Variants in SNX33 observed in about 807,000 individuals in gnomAD.
The protein encoded by SNX33 is sorting nexin-33.
In SNX33, 19 loss-of-function variants were observed where a neutral mutation model predicts 38.8. That is an observed-to-expected ratio of 0.49 (90% CI 0.34 to 0.72). The LOEUF (loss-of-function observed/expected upper bound fraction) is 0.72. Ranked by LOEUF, SNX33 falls within the 30% of genes least tolerant of loss-of-function variation. The pLI is 0.01. For missense variants in SNX33, 641 were observed against 776.4 expected (o/e 0.83, Z 2.07); for synonymous variants, 246 against 289.7 (o/e 0.85, Z 1.53).
At chr15:75,653,273 C>T (rs1006990659) in intron 1 of SNX33, among the ~76,000 whole-genome samples, 4 of 152,192 alleles carry the variant, frequency 2.6e-5, no homozygotes, top group Non-Finnish European at 4.4e-5. Context: ...TAGCCCAATC[C>T]AGGGGTCTCC....
intron 1 of SNX33, among the ~76,000 whole-genome samples, chr15:75,651,385 C>T (rs781562928): frequency 1.3e-5 from 2 of 152,342 alleles, no homozygotes; most frequent in African/African-American, 2.4e-5. Flanking sequence ...CCCAAGGACA[C>T]GTCCATGTTG....
Position 75,656,946 on chromosome 15 carries a change from G to A in SNX33, c.1472-16G>A. On this transcript the variant is annotated splice_polypyrimidine_tract_variant and intron_variant, in intron 1 of 1. Transcript: ENST00000308527. The stretch of plus-strand genomic sequence containing the variant: ...TCAGAGCCCTCACACGCTGTCCTCT[G>A]CTCTGCCTATGCCAGGCGCCTTCGC... 2 of 1,608,982 alleles carry A rather than the reference G, an allele frequency of 1.2e-6. No individual in the cohort carries two copies. Among genetic ancestry groups the A allele is most frequent in the Non-Finnish European group, 1.7e-6 (2 of 1,176,510 alleles).
chr15:75,652,930 C>T (rs560756659), intron 1 of SNX33, among the ~76,000 whole-genome samples: 34 of 152,238 alleles, frequency 2.2e-4, no homozygotes, highest in African/African-American at 7.0e-4. Flanking sequence ...GGGTCCTGGG[C>T]CCCCAGGATT....
Position 75,657,445 on chromosome 15 carries a change from C to A in SNX33, c.*230C>A. On this transcript the variant is annotated 3_prime_UTR_variant, in exon 2 of 2. Coordinates refer to ENST00000308527, the MANE Select transcript of SNX33 (RefSeq NM_153271.2). The surrounding 1 kb of genome is among the most constrained non-coding windows in gnomAD (Gnocchi z 5.5). Reference sequence around the variant, plus strand: ...GCAGGGGTGAGAATAGAGTCAGGAGCCCTCGAGGCCAAGGCCTGGGCTGCC... The same window carrying A: ...GCAGGGGTGAGAATAGAGTCAGGAGACCTCGAGGCCAAGGCCTGGGCTGCC... The A allele has an allele frequency of 1.5e-6, 1 of 689,040 alleles. No individual in the cohort carries two copies. The highest frequency in any genetic ancestry group is 2.4e-6 in the Non-Finnish European group (1 of 423,476). The allele number at this position is 689,040 out of a possible 1,614,324, so 42.7% of individuals were successfully genotyped here. A position where few individuals can be genotyped will look rare whatever the true frequency, so the allele number is the denominator to read the frequency against.
Position 75,657,124 on chromosome 15 carries a change from T to C in SNX33, c.1634T>C (p.Met545Thr). The C allele has an allele frequency of 6.2e-7, 1 of 1,614,138 alleles. No homozygotes were observed. Among genetic ancestry groups the C allele is most frequent in the Non-Finnish European group, 8.5e-7 (1 of 1,179,996 alleles). ...CGCCGTGAGCTCGACTTCAAGCACA[T>C]GATGCAGAACTACTTGCGCCAGCAG... ...HQRRELDFKH[M>T]MQNYLRQQIL... is the part of the protein sequence containing the mutation. Residue 545 changes from methionine (M) to threonine (T), a missense_variant, in exon 2 of 2, where the codon ATG (methionine) becomes ACG (threonine). By Grantham distance (81) the Met-to-Thr change is moderately conservative. Coordinates refer to ENST00000308527, the MANE Select transcript of SNX33 (RefSeq NM_153271.2). This position sits in a 1 kb window ranked among gnomAD's most constrained non-coding sequence, Gnocchi z 5.5.
Position 75,647,953 on chromosome 15 carries a change from G to A in SNX33, c.-1150G>A, listed in dbSNP as rs936574980. The A allele has an allele frequency of 4.1e-6, 4 of 985,304 alleles. No individual in the cohort carries two copies. Among genetic ancestry groups the A allele is most frequent in the Non-Finnish European group, 4.8e-6 (4 of 829,928 alleles). 61.0% of individuals were successfully genotyped at this position (985,304 alleles called of 1,614,324 possible). On this transcript the variant is annotated 5_prime_UTR_variant, in exon 1 of 2. Coordinates refer to ENST00000308527, the MANE Select transcript of SNX33 (RefSeq NM_153271.2). ...GCTGCCTTCTCGCTGGCGGAGCGGA[G>A]GGTCTGCGAGCGCCGGGGAAGGCAG...
chr15:75,655,879 G>A (rs1037135625), intron 1 of SNX33, among the ~76,000 whole-genome samples: 1 of 152,172 alleles, frequency 6.6e-6, no homozygotes, highest in Non-Finnish European at 1.5e-5. Context: ...AGCCCTCGGC[G>A]ACTGAGTGCC....
chr15:75,660,544 C>T lies in SNX33; in HGVS notation c.*3329C>T, dbSNP rs907382040. On this transcript the variant is annotated 3_prime_UTR_variant, in exon 2 of 2. Transcript: ENST00000308527. ...AGGCACATACGCCACATAAGCATGC[C>T]TGTATGCTCACACAGTCATACTGCC... is the stretch of plus-strand genomic sequence containing the variant. 1 of 152,800 alleles carries T rather than the reference C, an allele frequency of 6.5e-6. No individual in the cohort carries two copies. Among genetic ancestry groups the T allele is most frequent in the Non-Finnish European group, 1.5e-5 (1 of 68,096 alleles). 9.5% of individuals were successfully genotyped at this position (152,800 alleles called of 1,614,324 possible). A position where few individuals can be genotyped will look rare whatever the true frequency, so the allele number is the denominator to read the frequency against.
rs1466473576 is a variant in SNX33 at position 75,657,233 on chromosome 15, C to G, written c.*18C>G. 1.2e-6 allele frequency: 2 copies of G among 1,612,858 alleles called. No individual in the cohort carries two copies. The highest frequency in any genetic ancestry group is 1.7e-6 in the Non-Finnish European group (2 of 1,179,142). On this transcript the variant is annotated 3_prime_UTR_variant, in exon 2 of 2. Coordinates refer to ENST00000308527, the MANE Select transcript of SNX33 (RefSeq NM_153271.2). This position sits in a 1 kb window ranked among gnomAD's most constrained non-coding sequence, Gnocchi z 5.5. ...ACCTCTGACCGCGTGTGCCTGGGCC[C>G]CCTCCTTCCCCTGGGCCTGGTCACT... is the stretch of plus-strand genomic sequence containing the variant.
Position 75,648,884 on chromosome 15 carries a change from C to T in SNX33, c.-219C>T. ...GCCCTCCCTGCTCACAAGCATATGC[C>T]CGGAGACCTGATAGGGCAGTTTCTG... On this transcript the variant is annotated 5_prime_UTR_variant, in exon 1 of 2. Coordinates refer to ENST00000308527, the MANE Select transcript of SNX33 (RefSeq NM_153271.2). The surrounding 1 kb of genome is among the most constrained non-coding windows in gnomAD (Gnocchi z 4.4). 2.0e-6 allele frequency: 1 copy of T among 497,056 alleles called. No homozygotes were observed. The highest frequency in any genetic ancestry group is 3.4e-6 in the Non-Finnish European group (1 of 296,108). 30.8% of individuals were successfully genotyped at this position (497,056 alleles called of 1,614,324 possible).
rs117906459 is a variant in SNX33 at position 75,657,580 on chromosome 15, C to T, written c.*365C>T. The stretch of plus-strand genomic sequence containing the variant: ...ATTCAGCAGACACCGAGGCCTGCTG[C>T]ACCCTTGGGTCGGATGCTGGGCACC... On this transcript the variant is annotated 3_prime_UTR_variant, in exon 2 of 2. Coordinates refer to ENST00000308527, the MANE Select transcript of SNX33 (RefSeq NM_153271.2). The surrounding 1 kb of genome is among the most constrained non-coding windows in gnomAD (Gnocchi z 5.5). 3.6e-4 allele frequency: 117 copies of T among 327,718 alleles called. 1 individual carries two copies. The East Asian group carries it at 6.4e-3, about 18-fold the overall frequency. 20.3% of individuals were successfully genotyped at this position (327,718 alleles called of 1,614,324 possible). A position where few individuals can be genotyped will look rare whatever the true frequency, so the allele number is the denominator to read the frequency against.
At position 75,649,035 on chromosome 15, in the gene SNX33, C is replaced by T. The variant is rs1893533769; in HGVS notation, c.-68C>T. ...CAGCTGCGAGTGCATTCTTGGACTG[C>T]CTTGTGAGCATCCCCGGTCTGGGCA... On this transcript the variant is annotated 5_prime_UTR_variant, in exon 1 of 2. Transcript: ENST00000308527. This position sits in a 1 kb window ranked among gnomAD's most constrained non-coding sequence, Gnocchi z 6.6. 1.8e-5 allele frequency: 27 copies of T among 1,515,410 alleles called. No homozygotes were observed. The highest frequency in any genetic ancestry group is 2.2e-5 in the Non-Finnish European group (25 of 1,130,322). 93.9% of individuals were successfully genotyped at this position (1,515,410 alleles called of 1,614,324 possible).
Position 75,649,368 on chromosome 15 carries a change from G to C in SNX33, c.266G>C (p.Ser89Thr). The C allele has an allele frequency of 5.8e-6, 9 of 1,559,824 alleles. No individual in the cohort carries two copies. Among genetic ancestry groups the C allele is most frequent in the Non-Finnish European group, 7.8e-6 (9 of 1,150,274 alleles). The change falls in exon 1 of 2, where the codon AGT (serine) becomes ACT (threonine). Residue 89 changes from serine to threonine, a missense_variant. This residue lies in a region of SNX33 where 243 missense variants were observed against 233.9 expected (regional missense o/e 1.04). Coordinates refer to ENST00000308527, the MANE Select transcript of SNX33 (RefSeq NM_153271.2). The surrounding 1 kb of genome is among the most constrained non-coding windows in gnomAD (Gnocchi z 6.6). ...GAQVSLYNSP[S>T]VASPARSGGG... ...CAGGTGAGCTTGTACAACAGCCCCAGTGTGGCCAGCCCAGCTAGGAGTGGT... is the reference window on the plus strand; with the variant it reads ...CAGGTGAGCTTGTACAACAGCCCCACTGTGGCCAGCCCAGCTAGGAGTGGT...
chr15:75,649,398 G>C lies in SNX33; in HGVS notation c.296G>C (p.Gly99Ala), dbSNP rs1369478680. 1 of 1,543,334 alleles carries C rather than the reference G, an allele frequency of 6.5e-7. No individual in the cohort carries two copies. The highest frequency in any genetic ancestry group is 8.7e-7 in the Non-Finnish European group (1 of 1,142,892). ...SVASPARSGG[G>A]SGFLSNQGSF... ...GCCAGCCCAGCTAGGAGTGGTGGGG[G>C]CAGTGGCTTCCTCTCAAACCAGGGT... The change falls in exon 1 of 2, where the codon GGC (glycine) becomes GCC (alanine). Residue 99 changes from glycine (G) to alanine (A), a missense_variant. This residue lies in a region of SNX33 where 243 missense variants were observed against 233.9 expected (regional missense o/e 1.04). Transcript: ENST00000308527. The surrounding 1 kb of genome is among the most constrained non-coding windows in gnomAD (Gnocchi z 6.6).
chr15:75,657,047 C>G lies in SNX33; in HGVS notation c.1557C>G (p.Arg519=). ...VQDEADGIRR[R]CRVVGFALQA... Reference sequence around the variant, plus strand: ...ACGAGGCAGACGGCATTCGCAGGCGCTGCCGCGTGGTGGGTTTCGCCCTGC... The same window carrying G: ...ACGAGGCAGACGGCATTCGCAGGCGGTGCCGCGTGGTGGGTTTCGCCCTGC... The change falls in exon 2 of 2, where the codon CGC becomes CGG. Residue 519 remains arginine (R), a synonymous_variant. Coordinates refer to ENST00000308527, the MANE Select transcript of SNX33 (RefSeq NM_153271.2). The surrounding 1 kb of genome is among the most constrained non-coding windows in gnomAD (Gnocchi z 5.5). 6.2e-7 allele frequency: 1 copy of G among 1,614,172 alleles called. No individual in the cohort carries two copies. The highest frequency in any genetic ancestry group is 8.5e-7 in the Non-Finnish European group (1 of 1,180,014).
intron 1 of SNX33, among the ~76,000 whole-genome samples, chr15:75,655,607 C>G (rs1893644138): frequency 6.6e-6 from 1 of 152,176 alleles, no homozygotes; most frequent in Admixed American, 6.5e-5. Context: ...AGAGTTATTC[C>G]CAGCATGTAG....
chr15:75,657,160 A>C lies in SNX33; in HGVS notation c.1670A>C (p.Tyr557Ser), dbSNP rs763070151. Residue 557 changes from tyrosine to serine, a missense_variant, in exon 2 of 2, where the codon TAC becomes TCC. Tyr to Ser is a moderately radical substitution (Grantham distance 144, BLOSUM62 -2). Around this residue, in one of 2 missense-constraint regions of SNX33, gnomAD observed 398 missense variants for 542.5 expected, o/e 0.73. Coordinates refer to ENST00000308527, the MANE Select transcript of SNX33 (RefSeq NM_153271.2). This position sits in a 1 kb window ranked among gnomAD's most constrained non-coding sequence, Gnocchi z 5.5. ...TACTTGCGCCAGCAGATCCTCTTCT[A>C]CCAGCGGGTGGGCCAGCAGCTGGAG... ...QNYLRQQILF[Y>S]QRVGQQLEKT... The C allele has an allele frequency of 3.7e-6, 6 of 1,613,984 alleles. No individual in the cohort carries two copies. Among genetic ancestry groups the C allele is most frequent in the Non-Finnish European group, 3.4e-6 (4 of 1,179,998 alleles).
At position 75,648,493 on chromosome 15, in the gene SNX33, T is replaced by G. The variant is rs1032395854; in HGVS notation, c.-610T>G. On this transcript the variant is annotated 5_prime_UTR_variant, in exon 1 of 2. Coordinates refer to ENST00000308527, the MANE Select transcript of SNX33 (RefSeq NM_153271.2). The surrounding 1 kb of genome is among the most constrained non-coding windows in gnomAD (Gnocchi z 4.4). ...CACCCTTGGACTCGATTCAGGCGGC[T>G]GCTGCTTTTCTCCTTGCCCCTCTTG... The G allele has an allele frequency of 1.1e-5, 11 of 985,352 alleles. No individual in the cohort carries two copies. The highest frequency in any genetic ancestry group is 7.0e-5 in the African/African-American group (4 of 57,230). 61.0% of individuals were successfully genotyped at this position (985,352 alleles called of 1,614,324 possible). A position where few individuals can be genotyped will look rare whatever the true frequency, so the allele number is the denominator to read the frequency against.
rs983660800 is a variant in SNX33 at position 75,661,175 on chromosome 15, C to G, written c.*3960C>G. 1 of 152,366 alleles carries G rather than the reference C, an allele frequency of 6.6e-6. No homozygotes were observed. Among genetic ancestry groups the G allele is most frequent in the Admixed American group, 6.5e-5 (1 of 15,292 alleles). 9.4% of individuals were successfully genotyped at this position (152,366 alleles called of 1,614,324 possible). On this transcript the variant is annotated 3_prime_UTR_variant, in exon 2 of 2. Transcript: ENST00000308527. The surrounding 1 kb of genome is among the most constrained non-coding windows in gnomAD (Gnocchi z 4.5). ...AGCTCCAGGCAGCTCCCTTCTCAAG[C>G]TAGAGCTGAGCTGCAGTGGCCACGG...
Sources: gnomAD v4.1 joint callset for allele counts (sites outside exome capture counted in the v4.1 genomes callset) on GRCh38, gnomAD v4.1.1 for gene constraint, gnomAD v4.1.1 regional missense constraint, Gnocchi (gnomAD v3.1) non-coding constraint, MANE v1.5 for transcripts, NCBI Gene and HGNC (gene_info 2026-07-23, HGNC 2026-07-21) for gene names.